Variants in CPNE6 observed in about 807,000 individuals in gnomAD.
CPNE6 encodes the protein copine-6.
A neutral mutation model predicts 71.5 loss-of-function variants in CPNE6; 33 were observed. The observed-to-expected ratio is 0.46, with a 90% CI of 0.35 to 0.62. The LOEUF is 0.62. CPNE6 is among the 20% of genes least tolerant of loss of function. The probability of loss-of-function intolerance (pLI) is 0.00; values close to 1 mark genes in which losing one functional copy is unlikely to be tolerated. For missense variants in CPNE6, 576 were observed against 747.3 expected, an observed-to-expected ratio of 0.77 and a Z score of 2.67; for synonymous variants, 296 against 293.0, an observed-to-expected ratio of 1.01 and a Z score of -0.10.
intron 13 of CPNE6, 30 bp downstream of exon 12, chr14:24,076,444 T>G (rs2036065946): frequency 6.2e-7 from 1 of 1,614,184 alleles, no homozygotes; most frequent in Admixed American, 1.7e-5. Flanking sequence ...AAGAAGGAGA[T>G]GGGGGGCGTG....
In CPNE6 at chr14:24,075,126, G is replaced by T. The variant is rs778144831; in HGVS notation, c.673-46G>T. ...AGTCCCCCTACTCACCGTGAATACC[G>T]CAGAGCATCTCCAACCTGACCCCAC... On this transcript the variant is annotated intron_variant, in intron 8 of 17. Coordinates refer to ENST00000397016, the Ensembl canonical transcript of CPNE6. This position sits in a 1 kb window ranked among gnomAD's most constrained non-coding sequence, Gnocchi z 4.3. 10 of 1,384,950 alleles carry T rather than the reference G, an allele frequency of 7.2e-6. No homozygotes were observed. In the East Asian group the frequency reaches 2.1e-4, roughly 28 times the overall value. The allele number at this position is 1,384,950 out of a possible 1,614,324, so 85.8% of individuals were successfully genotyped here.
rs1249000614 is a variant in CPNE6 at position 24,075,013 on chromosome 14, T to A, written c.673-159T>A. ...TAGCAGACTGAGCCAAAGAACAAAG[T>A]TCAGCAGGTGGCCTCTCCGGGCAGG... On this transcript the variant is annotated intron_variant, in intron 8 of 17. Coordinates refer to ENST00000397016, the Ensembl canonical transcript of CPNE6. This position sits in a 1 kb window ranked among gnomAD's most constrained non-coding sequence, Gnocchi z 4.3. Among the ~76,000 whole-genome samples, 1 of 152,136 alleles carries A rather than the reference T, an allele frequency of 6.6e-6. No homozygotes were observed. The highest frequency in any genetic ancestry group is 1.5e-5 in the Non-Finnish European group (1 of 68,024).
chr14:24,072,431 G>A (rs958797344), intron 2 of CPNE6: 2 of 153,070 alleles, frequency 1.3e-5, no homozygotes, highest in African/African-American at 4.8e-5. Flanking sequence ...AGCCCAGCAG[G>A]GGACTTTCCA....
rs149796968 is a variant in CPNE6, at chr14:24,077,563, C to A, written c.1537-30C>A. ...CCTGCCTCCCCTACTCTTCCTCTCACCCCTAACCACATCACTGTCCCCACC... is the reference window on the plus strand; with the variant it reads ...CCTGCCTCCCCTACTCTTCCTCTCAACCCTAACCACATCACTGTCCCCACC... On this transcript the variant is annotated intron_variant, in intron 16 of 17. Transcript: ENST00000397016. The surrounding 1 kb of genome is among the most constrained non-coding windows in gnomAD (Gnocchi z 6.1). The A allele has an allele frequency of 3.7e-5, 59 of 1,584,616 alleles. No individual in the cohort carries two copies. The East Asian group carries it at 1.3e-3, about 35-fold the overall frequency.
chr14:24,076,610 A>G, intron 14 of CPNE6, 53 bp downstream of exon 13: 1 of 1,607,014 alleles, frequency 6.2e-7, no homozygotes, highest in Admixed American at 1.7e-5. Context: ...CACTCCACAC[A>G]GGAGCACAGA....
rs776428113 is a variant in CPNE6 at position 24,077,727 on chromosome 14, G to A, written c.1671G>A (p.Pro557=). The change falls in exon 17 of 18, where the codon CCG becomes CCA. Residue 557 remains proline (P), a synonymous_variant. Transcript: ENST00000397016. This position sits in a 1 kb window ranked among gnomAD's most constrained non-coding sequence, Gnocchi z 6.1. Reference sequence around the variant, plus strand: ...TGGCTACGACTCCCAGCCCTAGCCCGTGACTGCCTCCCTCCGGACCGACAC... The same window carrying A: ...TGGCTACGACTCCCAGCCCTAGCCCATGACTGCCTCCCTCCGGACCGACAC... The A allele has an allele frequency of 6.6e-6, 10 of 1,521,472 alleles. No individual in the cohort carries two copies. The highest frequency in any genetic ancestry group is 1.8e-4 in the Middle Eastern group (1 of 5,646). The allele number at this position is 1,521,472 out of a possible 1,614,324, so 94.2% of individuals were successfully genotyped here. A position where few individuals can be genotyped will look rare whatever the true frequency, so the allele number is the denominator to read the frequency against.
Position 24,074,599 on chromosome 14 carries a change from G to T in CPNE6, c.567G>T (p.Leu189=), listed in dbSNP as rs2070343. 19 of 1,613,932 alleles carry T rather than the reference G, an allele frequency of 1.2e-5. No homozygotes were observed. Among genetic ancestry groups the T allele is most frequent in the Non-Finnish European group, 1.6e-5 (19 of 1,179,988 alleles). ...CCAACGAGGACCAAAGTGATCAGCT[G>T]GTCTGGAGAACTGAGGTTGGTGCCT... Residue 189 remains leucine (L), a synonymous_variant, in exon 7 of 18, where the codon CTG becomes CTT. Coordinates refer to ENST00000397016, the Ensembl canonical transcript of CPNE6. This position sits in a 1 kb window ranked among gnomAD's most constrained non-coding sequence, Gnocchi z 4.5.
exon 3 of CPNE6, chr14:24,073,000 G>T: frequency 6.3e-7 from 1 of 1,585,340 alleles, no homozygotes; most frequent in Non-Finnish European, 8.6e-7. Context: ...GGCCTCTCGG[G>T]TGGAGCTGCG....
rs1265039934 is a variant in CPNE6, at chr14:24,077,097, G to A, written c.1300-57G>A. On this transcript the variant is annotated intron_variant, in intron 15 of 17. Coordinates refer to ENST00000397016, the Ensembl canonical transcript of CPNE6. This position sits in a 1 kb window ranked among gnomAD's most constrained non-coding sequence, Gnocchi z 6.1. ...CCAGGGTCTGCACCTTGGTGGAAAC[G>A]GTGTCAACGCCCTTGCACACAAAGC... 9 of 1,594,684 alleles carry A rather than the reference G, an allele frequency of 5.6e-6. No homozygotes were observed. Among genetic ancestry groups the A allele is most frequent in the Non-Finnish European group, 7.7e-6 (9 of 1,174,436 alleles).
At position 24,074,650 on chromosome 14, in the gene CPNE6, G is replaced by C; in HGVS notation, c.582+36G>C. On this transcript the variant is annotated intron_variant, in intron 7 of 17. Transcript: ENST00000397016. The surrounding 1 kb of genome is among the most constrained non-coding windows in gnomAD (Gnocchi z 4.5). The stretch of plus-strand genomic sequence containing the variant: ...GGGGCTATGGGGATGAAGGGAGGGA[G>C]AGTAAAGTAAGAAGACACAGACAGG... 6.2e-7 allele frequency: 1 copy of C among 1,613,702 alleles called. No homozygotes were observed. Among genetic ancestry groups the C allele is most frequent in the Non-Finnish European group, 8.5e-7 (1 of 1,179,586 alleles).
At chr14:24,071,281 G>A in intron 1 of CPNE6, 1 of 1,307,334 alleles carries the variant, frequency 7.6e-7, no homozygotes, top group Non-Finnish European at 1.0e-6. Flanking sequence ...CTGTTTGAAT[G>A]TGTATGTGCA....
At position 24,077,021 on chromosome 14, in the gene CPNE6, A is replaced by G. The variant is rs910445824; in HGVS notation, c.1299+9A>G. ...GCACCGGCCAAGCCACGGTAGGAAGACATGGCGGGCAAACAGGAGCTGTCC... is the reference window on the plus strand; with the variant it reads ...GCACCGGCCAAGCCACGGTAGGAAGGCATGGCGGGCAAACAGGAGCTGTCC... On this transcript the variant is annotated intron_variant, in intron 15 of 17. Coordinates refer to ENST00000397016, the Ensembl canonical transcript of CPNE6. This position sits in a 1 kb window ranked among gnomAD's most constrained non-coding sequence, Gnocchi z 6.1. 7 of 1,608,670 alleles carry G rather than the reference A, an allele frequency of 4.4e-6. No individual in the cohort carries two copies. Among genetic ancestry groups the G allele is most frequent in the Non-Finnish European group, 5.9e-6 (7 of 1,179,968 alleles).
rs569412398 is a variant in CPNE6 at position 24,074,594 on chromosome 14, C to A, written c.562C>A (p.Gln188Lys). Residue 188 changes from glutamine (Q) to lysine (K), a missense_variant, in exon 7 of 18, where the codon CAG becomes AAG. By Grantham distance (53) the Gln-to-Lys change is moderately conservative. This residue lies in a region of CPNE6 where 214 missense variants were observed against 291.2 expected (regional missense o/e 0.73). Transcript: ENST00000397016. This position sits in a 1 kb window ranked among gnomAD's most constrained non-coding sequence, Gnocchi z 4.5. The stretch of plus-strand genomic sequence containing the variant: ...TAAGACCAACGAGGACCAAAGTGAT[C>A]AGCTGGTCTGGAGAACTGAGGTTGG... The A allele has an allele frequency of 3.1e-6, 5 of 1,614,156 alleles. No homozygotes were observed. The highest frequency in any genetic ancestry group is 2.2e-5 in the South Asian group (2 of 91,080).
chr14:24,074,084 T>C lies in CPNE6; in HGVS notation c.382T>C (p.Leu128=), dbSNP rs1279470025. ...ACAAACCAAGGTCACTAAGCCATTA[T>C]TGCTGAAGAATGGGAAGACTGCGGG... is the stretch of plus-strand genomic sequence containing the variant. Residue 128 remains leucine, a synonymous_variant, in exon 5 of 18, where the codon TTG becomes CTG. Transcript: ENST00000397016. The surrounding 1 kb of genome is among the most constrained non-coding windows in gnomAD (Gnocchi z 4.5). 1 of 1,614,082 alleles carries C rather than the reference T, an allele frequency of 6.2e-7. No homozygotes were observed. Among genetic ancestry groups the C allele is most frequent in the Non-Finnish European group, 8.5e-7 (1 of 1,180,034 alleles).
Position 24,077,098 on chromosome 14 carries a change from G to A in CPNE6, c.1300-56G>A, listed in dbSNP as rs2036103147. ...CAGGGTCTGCACCTTGGTGGAAACG[G>A]TGTCAACGCCCTTGCACACAAAGCC... On this transcript the variant is annotated intron_variant, in intron 15 of 17. Coordinates refer to ENST00000397016, the Ensembl canonical transcript of CPNE6. The surrounding 1 kb of genome is among the most constrained non-coding windows in gnomAD (Gnocchi z 6.1). 6.3e-7 allele frequency: 1 copy of A among 1,595,082 alleles called. No homozygotes were observed. The highest frequency in any genetic ancestry group is 1.1e-5 in the South Asian group (1 of 90,624).
rs2036003447 is a variant in CPNE6, at chr14:24,074,697, C to G, written c.583-9C>G. On this transcript the variant is annotated splice_polypyrimidine_tract_variant and intron_variant, in intron 7 of 17. Coordinates refer to ENST00000397016, the Ensembl canonical transcript of CPNE6. This position sits in a 1 kb window ranked among gnomAD's most constrained non-coding sequence, Gnocchi z 4.5. ...CAGGAGCTGACCAGCCACCTGGTGC[C>G]TCTCCAAGGTGGTGAAGAACAACCT... 6.2e-7 allele frequency: 1 copy of G among 1,613,696 alleles called. No homozygotes were observed. Among genetic ancestry groups the G allele is most frequent in the African/African-American group, 1.3e-5 (1 of 74,908 alleles).
At chr14:24,071,285 AT>A (rs2035888456) in intron 1 of CPNE6, 1 of 1,319,670 alleles carries the variant, frequency 7.6e-7, no homozygotes, top group African/African-American at 1.5e-5. Flanking sequence ...TTGAATGTGT[AT>A]GTGCATGCCA....
chr14:24,076,166 C>A (rs2070341), exon 12 of CPNE6: 1 of 1,613,312 alleles, frequency 6.2e-7, no homozygotes, highest in Admixed American at 1.7e-5. Context: ...TTGACTTCAC[C>A]GCCTCCAATG....
In CPNE6 at chr14:24,074,127, T is replaced by A; in HGVS notation, c.423+2T>A. On this transcript the variant is annotated splice_donor_variant, in intron 5 of 17. Transcript: ENST00000397016. LOFTEE classifies it high-confidence loss of function. The surrounding 1 kb of genome is among the most constrained non-coding windows in gnomAD (Gnocchi z 4.5). ...ACTGCGGGCAAGTCCACCATCACGG[T>A]AGGCAAGATCACCTGTACTCACCCT... The A allele has an allele frequency of 6.2e-7, 1 of 1,613,902 alleles. No individual in the cohort carries two copies. Among genetic ancestry groups the A allele is most frequent in the South Asian group, 1.1e-5 (1 of 91,074 alleles).
Sources: allele counts gnomAD v4.1 joint callset (sites outside exome capture counted in the v4.1 genomes callset), GRCh38; gene constraint gnomAD v4.1.1; regional missense constraint gnomAD v4.1.1; non-coding constraint Gnocchi (gnomAD v3.1); transcripts MANE v1.5; gene names NCBI Gene and HGNC (gene_info 2026-07-23, HGNC 2026-07-21).